The following ADAMTS9 variants were observed in gnomAD, a reference collection of about 807,000 sequenced individuals.
ADAMTS9 encodes ADAM metallopeptidase with thrombospondin type 1 motif 9, also known as A disintegrin and metalloproteinase with thrombospondin motifs 9.
ADAMTS9 carries 107 observed loss-of-function variants against 257.1 expected under a neutral mutation model. The observed-to-expected ratio is 0.42, with a 90% CI of 0.36 to 0.49. The LOEUF (loss-of-function observed/expected upper bound fraction) is 0.49, where lower values mean the gene tolerates loss of function less well. ADAMTS9 is among the 20% of genes least tolerant of loss of function. ADAMTS9 has a pLI of 0.03. For synonymous variants in ADAMTS9, 982 were observed against 880.9 expected, an observed-to-expected ratio of 1.11 and a Z score of -2.03; for missense variants, 2,353 against 2,469.1, an observed-to-expected ratio of 0.95 and a Z score of 1.00.
rs2082791416 is a variant in ADAMTS9, at chr3:64,517,418, T to TTTTTG, written c.*6-298_*6-297insCAAAA. ...TCAAGCCCAGCTAATTAAAAATGGT[T>TTTTTG]TTTTTTTTTTTTTTTTTTTTTGCAG... On this transcript the variant is annotated intron_variant, in intron 39 of 39. Coordinates refer to ENST00000498707, the MANE Select transcript of ADAMTS9 (RefSeq NM_182920.2). Among the ~76,000 whole-genome samples, 2 of 91,888 alleles carry TTTTTG rather than the reference T, an allele frequency of 2.2e-5. 1 individual carries two copies. The highest frequency in any genetic ancestry group is 9.6e-5 in the African/African-American group (2 of 20,932). 60.3% of individuals were successfully genotyped at this position (91,888 alleles called of 152,430 possible).
chr3:64,538,928 T>C (rs2083086214), intron 37 of ADAMTS9, among the ~76,000 whole-genome samples: 1 of 152,190 alleles, frequency 6.6e-6, no homozygotes, highest in Non-Finnish European at 1.5e-5. Context: ...AACCAAGCCC[T>C]CGCTAACCGA....
intron 11 of ADAMTS9, among the ~76,000 whole-genome samples, chr3:64,642,699 G>A (rs1700681759): frequency 6.6e-6 from 1 of 152,234 alleles, no homozygotes; most frequent in African/African-American, 2.4e-5. Context: ...TTGTTGGGGT[G>A]TGAAGCCCTG....
intron 16 of ADAMTS9, among the ~76,000 whole-genome samples, chr3:64,626,420 T>C (rs976140008): frequency 6.6e-6 from 1 of 152,190 alleles, no homozygotes. Flanking sequence ...CTAAGTATGT[T>C]TGTGTTGTAG....
At chr3:64,685,023 C>T (rs376168011) in intron 2 of ADAMTS9, 16 of 152,330 alleles carry the variant, frequency 1.1e-4, no homozygotes, top group African/African-American at 3.6e-4. Flanking sequence ...TTCCAGAGCT[C>T]TTGCCCTAGG....
In ADAMTS9 at chr3:64,654,342, A is replaced by C; in HGVS notation, c.1316+11T>G. The C allele has an allele frequency of 1.2e-6, 2 of 1,606,010 alleles. No homozygotes were observed. Among genetic ancestry groups the C allele is most frequent in the Non-Finnish European group, 1.7e-6 (2 of 1,176,656 alleles). On this transcript the variant is annotated intron_variant, in intron 8 of 39. Transcript: ENST00000498707. The stretch of plus-strand genomic sequence containing the variant: ...CTCCAAATTAAATGAAATTACTGAA[A>C]GGTAACTCACACATGGCCCAGCTCA...
rs543170499 is a variant in ADAMTS9 at position 64,569,609 on chromosome 3, T to C, written c.4357-1074A>G. Reference sequence around the variant, plus strand: ...TGAAACATGTAACTCATGAAACATATTAACTCAACCACTATTACCAAGCAT... The same window carrying C: ...TGAAACATGTAACTCATGAAACATACTAACTCAACCACTATTACCAAGCAT... On this transcript the variant is annotated intron_variant, in intron 28 of 39. Coordinates refer to ENST00000498707, the MANE Select transcript of ADAMTS9 (RefSeq NM_182920.2). 3.3e-5 allele frequency among the ~76,000 whole-genome samples: 5 copies of C among 150,872 alleles called. 1 individual carries two copies. The highest frequency in any genetic ancestry group is 1.2e-4 in the African/African-American group (5 of 40,434).
At chr3:64,635,161 C>T (rs555018562) in intron 12 of ADAMTS9, among the ~76,000 whole-genome samples, 25 of 152,288 alleles carry the variant, frequency 1.6e-4, no homozygotes, top group Admixed American at 6.5e-4. Context: ...GGACTCAGTG[C>T]TCCTGCAGCG....
In ADAMTS9 at chr3:64,658,648, T is replaced by G; in HGVS notation, c.823A>C (p.Asn275His). The change falls in exon 4 of 40, where the codon AAC becomes CAC. Residue 275 changes from asparagine (N) to histidine (H), a missense_variant. Physicochemically the swap from Asn to His is moderately conservative, Grantham distance 68. Coordinates refer to ENST00000498707, the MANE Select transcript of ADAMTS9 (RefSeq NM_182920.2). ...AFSAYGNKTDNTREKRTHRRT... is the reference protein window; with the variant it reads ...AFSAYGNKTDHTREKRTHRRT... ...CTGTGGGTCCTCTTTTCTCTTGTGT[T>G]GTCCGTCTTATTACCATAAGCAGAA... The G allele has an allele frequency of 6.2e-7, 1 of 1,614,110 alleles. No individual in the cohort carries two copies. Among genetic ancestry groups the G allele is most frequent in the Non-Finnish European group, 8.5e-7 (1 of 1,180,008 alleles).
chr3:64,602,360 T>G, intron 25 of ADAMTS9, 147 bp from the exon 26 acceptor site: 1 of 818,002 alleles, frequency 1.2e-6, no homozygotes, highest in South Asian at 1.8e-5. Flanking sequence ...CCTCTTTTTT[T>G]CCCATCCCAT....
chr3:64,571,299 A>C (rs1490918609), intron 28 of ADAMTS9, among the ~76,000 whole-genome samples: 1 of 152,356 alleles, frequency 6.6e-6, no homozygotes, highest in East Asian at 1.9e-4. Flanking sequence ...AGGTACTATT[A>C]GTGGAGACAA....
rs752645991 is a variant in ADAMTS9 at position 64,686,733 on chromosome 3, G to A, written c.351C>T (p.Ala117=). Residue 117 remains alanine (A), a synonymous_variant, in exon 2 of 40, where the codon GCC becomes GCT. Transcript: ENST00000498707. The surrounding 1 kb of genome is among the most constrained non-coding windows in gnomAD (Gnocchi z 4.6). ...QQFLFNLTAN[A]GFIAPLFTVT... ...CAGTGAACAGTGGAGCGATAAATCC[G>A]GCATTGGCGGTGAGATTAAATAGAA... 90 of 1,614,200 alleles carry A rather than the reference G, an allele frequency of 5.6e-5. No individual in the cohort carries two copies. In the Admixed American group the frequency reaches 1.5e-3, roughly 26 times the overall value.
At chr3:64,540,660 T>A (rs2083109062) in intron 36 of ADAMTS9, among the ~76,000 whole-genome samples, 1 of 152,200 alleles carries the variant, frequency 6.6e-6, no homozygotes. Context: ...TGCTACCAGC[T>A]CTGCTTCCCC....
At position 64,687,408 on chromosome 3, in the gene ADAMTS9, A is replaced by C. The variant is rs1675488643; in HGVS notation, c.115+135T>G. The C allele has an allele frequency of 1.3e-6, 1 of 768,298 alleles. No individual in the cohort carries two copies. Among genetic ancestry groups the C allele is most frequent in the Non-Finnish European group, 2.0e-6 (1 of 500,916 alleles). 47.6% of individuals were successfully genotyped at this position (768,298 alleles called of 1,614,324 possible). ...TGGTTGGGGATGACCCAAAGAAGGG[A>C]GAGGCTGCAAAGCGGGAGATAATTC... is the stretch of plus-strand genomic sequence containing the variant. On this transcript the variant is annotated intron_variant, in intron 1 of 39. Coordinates refer to ENST00000498707, the MANE Select transcript of ADAMTS9 (RefSeq NM_182920.2). This position sits in a 1 kb window ranked among gnomAD's most constrained non-coding sequence, Gnocchi z 4.4.
rs140885418 is a variant in ADAMTS9 at position 64,555,909 on chromosome 3, A to C, written c.4699-4847T>G. Among the ~76,000 whole-genome samples, 42 of 152,286 alleles carry C rather than the reference A, an allele frequency of 2.8e-4. No individual in the cohort carries two copies. In the East Asian group the frequency reaches 7.7e-3, roughly 28 times the overall value. ...ATTTTTAGAGCATCCCTAATGCCTA[A>C]TGCCTGGAACTTCACAAGGGATTGA... On this transcript the variant is annotated intron_variant, in intron 30 of 39. Coordinates refer to ENST00000498707, the MANE Select transcript of ADAMTS9 (RefSeq NM_182920.2).
At position 64,641,707 on chromosome 3, in the gene ADAMTS9, G is replaced by A. The variant is rs73124224; in HGVS notation, c.1856+141C>T. On this transcript the variant is annotated intron_variant, in intron 12 of 39. Transcript: ENST00000498707. ...TGCCTGGGAATAGACTTTGGGTACC[G>A]TGGGTCTAAGCAGCCCTTGAAGTTT... The A allele has an allele frequency of 2.9e-3, 2,936 of 1,013,548 alleles. 32 individuals carry two copies. The highest frequency in any genetic ancestry group is 0.021 in the South Asian group (1,137 of 55,054). The allele number at this position is 1,013,548 out of a possible 1,614,324, so 62.8% of individuals were successfully genotyped here.
intron 32 of ADAMTS9, among the ~76,000 whole-genome samples, chr3:64,545,613 T>C (rs886133100): frequency 6.6e-6 from 1 of 151,790 alleles, no homozygotes; most frequent in African/African-American, 2.4e-5. Flanking sequence ...TGTCATGGAG[T>C]TGGGGGCAGG....
intron 39 of ADAMTS9, among the ~76,000 whole-genome samples, chr3:64,519,689 C>CA: frequency 6.6e-6 from 1 of 152,184 alleles, no homozygotes; most frequent in East Asian, 1.9e-4. Flanking sequence ...CAATTAAAAA[C>CA]AAAAACAATA....
intron 38 of ADAMTS9, among the ~76,000 whole-genome samples, chr3:64,531,690 C>T (rs1369797003): frequency 6.6e-6 from 1 of 152,158 alleles, no homozygotes; most frequent in African/African-American, 2.4e-5. Context: ...TGGTCTCGAA[C>T]TCTTAGGATC....
intron 12 of ADAMTS9, among the ~76,000 whole-genome samples, chr3:64,634,624 T>TTA (rs1210045294): frequency 1.1e-4 from 16 of 152,112 alleles, no homozygotes; most frequent in Admixed American, 2.0e-4. Flanking sequence ...AGAGAGTAAA[T>TTA]TATACAACAC....
Sources: gnomAD v4.1 joint callset for allele counts (sites outside exome capture counted in the v4.1 genomes callset) on GRCh38, gnomAD v4.1.1 for gene constraint, Gnocchi (gnomAD v3.1) non-coding constraint, MANE v1.5 for transcripts, NCBI Gene and HGNC (gene_info 2026-07-23, HGNC 2026-07-21) for gene names.